SLC12A4: variants seen among roughly 807,000 people sequenced by gnomAD.
SLC12A4 encodes the protein electroneutral potassium-chloride cotransporter 1.
Under a neutral mutation model 119.2 loss-of-function variants are expected in SLC12A4, and 84 were observed. The ratio of observed to expected loss-of-function variants is 0.70; its 90% CI spans 0.59 to 0.85. The LOEUF is 0.85. Among genes scored for constraint, SLC12A4 ranks in the 40% least tolerant of loss-of-function variants. The pLI, the probability that SLC12A4 is intolerant of heterozygous loss-of-function variation, is 0.00. For missense variants in SLC12A4, 1,298 were observed against 1,476.3 expected (o/e 0.88, Z 1.98); for synonymous variants, 599 against 604.6 (o/e 0.99, Z 0.14).
At chr16:67,960,117 C>T (rs1049417060) in intron 3 of SLC12A4, among the ~76,000 whole-genome samples, 3 of 152,238 alleles carry the variant, frequency 2.0e-5, no homozygotes, top group East Asian at 1.9e-4. Flanking sequence ...CCCCATTGGG[C>T]CAAGGGATGA....
In SLC12A4 at chr16:67,949,766, C is replaced by T. The variant is rs776893574; in HGVS notation, c.1748+34G>A. The stretch of plus-strand genomic sequence containing the variant: ...AGGTGCTGGGGTTCAGGAAGCCTTT[C>T]CCCATCCCCCTGCCCTGCCCGGCCC... On this transcript the variant is annotated intron_variant, in intron 13 of 23. Coordinates refer to ENST00000316341, the MANE Select transcript of SLC12A4 (RefSeq NM_005072.5). This position sits in a 1 kb window ranked among gnomAD's most constrained non-coding sequence, Gnocchi z 4.6. 4 of 1,462,098 alleles carry T rather than the reference C, an allele frequency of 2.7e-6. No homozygotes were observed. The African/African-American group carries it at 4.3e-5, about 16-fold the overall frequency. The allele number at this position is 1,462,098 out of a possible 1,614,324, so 90.6% of individuals were successfully genotyped here.
chr16:67,968,190 C>A (rs1013137509), intron 1 of SLC12A4, among the ~76,000 whole-genome samples: 8 of 152,118 alleles, frequency 5.3e-5, no homozygotes, highest in African/African-American at 1.7e-4. Flanking sequence ...CTGCAGCCCC[C>A]GCCCGGGGCC....
Position 67,943,517 on chromosome 16 carries a change from A to G in SLC12A4, c.*1323T>C. The stretch of plus-strand genomic sequence containing the variant: ...TATTGCCAAAGTCCAAGGTGGGAAC[A>G]GATAGGTCTGGGGGCATGGGGGCTG... On this transcript the variant is annotated 3_prime_UTR_variant, in exon 24 of 24. Transcript: ENST00000316341. This position sits in a 1 kb window ranked among gnomAD's most constrained non-coding sequence, Gnocchi z 4.6. The G allele has an allele frequency of 1.9e-6, 1 of 518,144 alleles. No homozygotes were observed. The highest frequency in any genetic ancestry group is 3.5e-6 in the Non-Finnish European group (1 of 284,338). 32.1% of individuals were successfully genotyped at this position (518,144 alleles called of 1,614,324 possible). A position where few individuals can be genotyped will look rare whatever the true frequency, so the allele number is the denominator to read the frequency against.
intron 3 of SLC12A4, among the ~76,000 whole-genome samples, chr16:67,959,347 T>C (rs1052402290): frequency 6.6e-6 from 1 of 152,004 alleles, no homozygotes; most frequent in Non-Finnish European, 1.5e-5. Flanking sequence ...AGGACTAGAT[T>C]AGTGAAAATC....
At position 67,944,156 on chromosome 16, in the gene SLC12A4, T is replaced by TGTGGGAGTG. The variant is rs1430083229; in HGVS notation, c.*675_*683dup. 15 of 1,525,790 alleles carry TGTGGGAGTG rather than the reference T, an allele frequency of 9.8e-6. No homozygotes were observed. In the East Asian group the frequency reaches 3.7e-4, roughly 38 times the overall value. 94.5% of individuals were successfully genotyped at this position (1,525,790 alleles called of 1,614,324 possible). On this transcript the variant is annotated 3_prime_UTR_variant, in exon 24 of 24. Coordinates refer to ENST00000316341, the MANE Select transcript of SLC12A4 (RefSeq NM_005072.5). This position sits in a 1 kb window ranked among gnomAD's most constrained non-coding sequence, Gnocchi z 6.6. ...GCGGCACTGGGCTGTCCTTATCTGG[T>TGTGGGAGTG]GTGGGAGTGGGAGGGGCCCTAGGGC...
rs1315742413 is a variant in SLC12A4 at position 67,950,020 on chromosome 16, G to A, written c.1630-102C>T. On this transcript the variant is annotated intron_variant, in intron 12 of 23. Transcript: ENST00000316341. The surrounding 1 kb of genome is among the most constrained non-coding windows in gnomAD (Gnocchi z 4.3). Reference sequence around the variant, plus strand: ...CCTCACCCCCAGGGCCCGCCTTGGGGGCTCAGGCCGCCCCTGTGTCTATCC... The same window carrying A: ...CCTCACCCCCAGGGCCCGCCTTGGGAGCTCAGGCCGCCCCTGTGTCTATCC... The A allele has an allele frequency of 2.9e-5, 26 of 901,826 alleles. No individual in the cohort carries two copies. Among genetic ancestry groups the A allele is most frequent in the Non-Finnish European group, 4.6e-5 (26 of 563,248 alleles). The allele number at this position is 901,826 out of a possible 1,614,324, so 55.9% of individuals were successfully genotyped here.
Position 67,949,773 on chromosome 16 carries a change from C to T in SLC12A4, c.1748+27G>A. 1.3e-6 allele frequency: 2 copies of T among 1,527,746 alleles called. No individual in the cohort carries two copies. Among genetic ancestry groups the T allele is most frequent in the Non-Finnish European group, 1.8e-6 (2 of 1,108,114 alleles). 94.6% of individuals were successfully genotyped at this position (1,527,746 alleles called of 1,614,324 possible). ...GGGGTTCAGGAAGCCTTTCCCCATC[C>T]CCCTGCCCTGCCCGGCCCCAGCTCA... On this transcript the variant is annotated intron_variant, in intron 13 of 23. Coordinates refer to ENST00000316341, the MANE Select transcript of SLC12A4 (RefSeq NM_005072.5). This position sits in a 1 kb window ranked among gnomAD's most constrained non-coding sequence, Gnocchi z 4.6.
In SLC12A4 at chr16:67,951,515, G is replaced by A. The variant is rs531334539; in HGVS notation, c.1133-211C>T. ...GACAGACAAAGGTGGCTGAACCACC[G>A]TCACCCAGAGCCCGCCACTGCCCGC... On this transcript the variant is annotated intron_variant, in intron 8 of 23. Coordinates refer to ENST00000316341, the MANE Select transcript of SLC12A4 (RefSeq NM_005072.5). The surrounding 1 kb of genome is among the most constrained non-coding windows in gnomAD (Gnocchi z 5.2). 5 of 632,246 alleles carry A rather than the reference G, an allele frequency of 7.9e-6. No homozygotes were observed. The highest frequency in any genetic ancestry group is 3.0e-5 in the Admixed American group (1 of 33,468). 39.2% of individuals were successfully genotyped at this position (632,246 alleles called of 1,614,324 possible).
At chr16:67,963,998 G>A in intron 1 of SLC12A4, 1 of 1,551,240 alleles carries the variant, frequency 6.4e-7, no homozygotes, top group Non-Finnish European at 8.7e-7. Flanking sequence ...CCAGATAGAC[G>A]AAGCCGCACA....
Position 67,950,722 on chromosome 16 carries a change from G to A in SLC12A4, c.1397-11C>T, listed in dbSNP as rs747971568. The A allele has an allele frequency of 2.4e-5, 39 of 1,603,218 alleles. No homozygotes were observed. The highest frequency in any genetic ancestry group is 1.6e-4 in the South Asian group (14 of 89,474). On this transcript the variant is annotated splice_polypyrimidine_tract_variant and intron_variant, in intron 10 of 23. Coordinates refer to ENST00000316341, the MANE Select transcript of SLC12A4 (RefSeq NM_005072.5). This position sits in a 1 kb window ranked among gnomAD's most constrained non-coding sequence, Gnocchi z 4.3. ...CCACACTGCTGAAGTCTGCGGCGGCGTCAAGGAAAACTCGGCCTCTGCCAC... is the reference window on the plus strand; with the variant it reads ...CCACACTGCTGAAGTCTGCGGCGGCATCAAGGAAAACTCGGCCTCTGCCAC...
Position 67,948,160 on chromosome 16 carries a change from C to G in SLC12A4, c.1749-1G>C. ...GAACAGGTAGCACATCAGAAAGAAC[C>G]TGCGGCACAGAGGGCGGTTGGCGAA... On this transcript the variant is annotated splice_acceptor_variant, in intron 13 of 23. Coordinates refer to ENST00000316341, the MANE Select transcript of SLC12A4 (RefSeq NM_005072.5). LOFTEE classifies it high-confidence loss of function. 1 of 1,613,172 alleles carries G rather than the reference C, an allele frequency of 6.2e-7. No individual in the cohort carries two copies. Among genetic ancestry groups the G allele is most frequent in the Admixed American group, 1.7e-5 (1 of 60,018 alleles).
intron 5 of SLC12A4, among the ~76,000 whole-genome samples, chr16:67,955,518 T>C (rs1422098749): frequency 6.6e-6 from 1 of 151,982 alleles, no homozygotes. Flanking sequence ...GCTCAGGAGT[T>C]CCAGACCAGT....
rs2029935072 is a variant in SLC12A4 at position 67,951,970 on chromosome 16, C to T, written c.985G>A (p.Val329Met). The change falls in exon 8 of 24, where the codon GTG becomes ATG. Residue 329 changes from valine (V) to methionine (M), a missense_variant. Physicochemically the swap from Val to Met is conservative, Grantham distance 21. Coordinates refer to ENST00000316341, the MANE Select transcript of SLC12A4 (RefSeq NM_005072.5). The surrounding 1 kb of genome is among the most constrained non-coding windows in gnomAD (Gnocchi z 5.2). ...TGGGTGGCCACTGTCTCATTGTCCA[C>T]TACAGCTGTCTTGGCACAGATGTCA... ...QFDICAKTAV[V>M]DNETVATQLW... The T allele has an allele frequency of 6.2e-7, 1 of 1,614,134 alleles. No individual in the cohort carries two copies. The highest frequency in any genetic ancestry group is 8.5e-7 in the Non-Finnish European group (1 of 1,180,046).
At position 67,964,617 on chromosome 16, in the gene SLC12A4, T is replaced by C. The variant is rs1013257607; in HGVS notation, c.116-1058A>G. On this transcript the variant is annotated intron_variant, in intron 1 of 23. Coordinates refer to ENST00000316341, the MANE Select transcript of SLC12A4 (RefSeq NM_005072.5). ...GGAAAGCACACATCTTGGTGTTGGA[T>C]GGCAGCAGTATGTAGTTCTGACATG... Among the ~76,000 whole-genome samples the C allele has an allele frequency of 3.3e-5, 5 of 152,172 alleles. No homozygotes were observed. In the South Asian group the frequency reaches 8.3e-4, roughly 25 times the overall value.
intron 5 of SLC12A4, among the ~76,000 whole-genome samples, chr16:67,956,683 C>CA (rs544376205): frequency 3.1e-4 from 46 of 150,668 alleles, no homozygotes; most frequent in Non-Finnish European, 5.6e-4. Flanking sequence ...GACTCTGTCT[C>CA]AAAAAAAACC....
Position 67,946,976 on chromosome 16 carries a change from G to A in SLC12A4, c.2202C>T (p.Ser734=), listed in dbSNP as rs373183864. 7 of 1,613,154 alleles carry A rather than the reference G, an allele frequency of 4.3e-6. No individual in the cohort carries two copies. The highest frequency in any genetic ancestry group is 1.7e-5 in the Admixed American group (1 of 59,998). ...GAGCCTCGCCATAGCTCTCCAAGAA[G>A]CTCCCCTGGATGACAGAACCAACAA... ...LTIVGSVIQG[S]FLESYGEAQA... The change falls in exon 17 of 24, where the codon AGC becomes AGT. Residue 734 remains serine, a synonymous_variant. Transcript: ENST00000316341.
intron 2 of SLC12A4, among the ~76,000 whole-genome samples, 181 bp from the exon 3 acceptor site, chr16:67,961,887 C>T (rs185932534): frequency 6.6e-6 from 1 of 152,360 alleles, no homozygotes; most frequent in African/African-American, 2.4e-5. Context: ...CACCCCAGCA[C>T]GTGGCACTCA....
intron 1 of SLC12A4, among the ~76,000 whole-genome samples, chr16:67,965,388 T>A (rs981093409): frequency 3.3e-5 from 5 of 152,204 alleles, no homozygotes; most frequent in African/African-American, 1.2e-4. Context: ...TCGTCTTACT[T>A]CTCTTTCTGC....
rs1388290017 is a variant in SLC12A4 at position 67,944,772 on chromosome 16, T to C, written c.*68A>G. On this transcript the variant is annotated 3_prime_UTR_variant, in exon 24 of 24. Transcript: ENST00000316341. This position sits in a 1 kb window ranked among gnomAD's most constrained non-coding sequence, Gnocchi z 6.6. Reference sequence around the variant, plus strand: ...CAGGTGGGTGCTGGGAAGAGGCTGTTACCCCAGACCACAGCTTGTTATGTC... The same window carrying C: ...CAGGTGGGTGCTGGGAAGAGGCTGTCACCCCAGACCACAGCTTGTTATGTC... 3.5e-5 allele frequency: 55 copies of C among 1,576,118 alleles called. 1 individual carries two copies. The South Asian group carries it at 6.0e-4, about 17-fold the overall frequency.
Sources: allele counts gnomAD v4.1 joint callset (sites outside exome capture counted in the v4.1 genomes callset), GRCh38; gene constraint gnomAD v4.1.1; non-coding constraint Gnocchi (gnomAD v3.1); transcripts MANE v1.5; gene names NCBI Gene and HGNC (gene_info 2026-07-23, HGNC 2026-07-21).